Variants in ATP8A2 observed in about 807,000 individuals in gnomAD.
ATP8A2 encodes phospholipid-transporting ATPase IB.
ATP8A2 carries 100 observed loss-of-function variants against 165.6 expected under a neutral mutation model. The observed-to-expected ratio is 0.60, with a 90% CI of 0.51 to 0.71. The LOEUF (loss-of-function observed/expected upper bound fraction) is 0.71, where lower values mean the gene tolerates loss of function less well. Ranked by LOEUF, ATP8A2 falls within the 30% of genes least tolerant of loss-of-function variation. ATP8A2 has a pLI of 0.00. For synonymous variants in ATP8A2, 543 were observed against 548.8 expected (o/e 0.99, Z 0.15); for missense variants, 1,227 against 1,479.5 (o/e 0.83, Z 2.80).
intron 33 of ATP8A2, among the ~76,000 whole-genome samples, chr13:25,958,144 C>CT (rs1230489380): frequency 6.6e-6 from 1 of 151,114 alleles, no homozygotes; most frequent in Non-Finnish European, 1.5e-5. Flanking sequence ...GGGTGGGGGA[C>CT]TAGGGGAAGG....
intron 27 of ATP8A2, among the ~76,000 whole-genome samples, chr13:25,809,867 G>A (rs148705675): frequency 3.0e-4 from 46 of 152,186 alleles, no homozygotes; most frequent in Admixed American, 1.6e-3. Context: ...AAATGATCAA[G>A]CAGGAGTGAG....
At chr13:25,771,946 T>C (rs1049088729) in intron 26 of ATP8A2, among the ~76,000 whole-genome samples, 1 of 152,332 alleles carries the variant, frequency 6.6e-6, no homozygotes, top group South Asian at 2.1e-4. Context: ...GATGCATTTT[T>C]TTTATTACGC....
intron 33 of ATP8A2, among the ~76,000 whole-genome samples, chr13:25,930,241 C>G (rs1954732823): frequency 6.6e-6 from 1 of 152,096 alleles, no homozygotes; most frequent in Non-Finnish European, 1.5e-5. Context: ...AACCATGTTC[C>G]TTCTCTCTTT....
At chr13:25,769,018 G>T in intron 25 of ATP8A2, 28 bp from the exon 26 acceptor site, 2 of 1,606,458 alleles carry the variant, frequency 1.2e-6, no homozygotes, top group South Asian at 2.2e-5. Flanking sequence ...GACATGCATA[G>T]CTCTGATTTC....
At chr13:25,827,003 C>T (rs528960384) in intron 27 of ATP8A2, among the ~76,000 whole-genome samples, 2 of 151,972 alleles carry the variant, frequency 1.3e-5, no homozygotes, top group Non-Finnish European at 2.9e-5. Flanking sequence ...CCCGGTGGCT[C>T]GGCCCTCTTC....
intron 24 of ATP8A2, among the ~76,000 whole-genome samples, chr13:25,600,935 C>T (rs867614805): frequency 1.3e-5 from 2 of 152,292 alleles, no homozygotes; most frequent in South Asian, 2.1e-4. Flanking sequence ...ACTACAAGAT[C>T]GCACGGATGT....
chr13:25,758,436 G>C (rs2044309686), intron 25 of ATP8A2, among the ~76,000 whole-genome samples: 1 of 152,164 alleles, frequency 6.6e-6, no homozygotes, highest in Non-Finnish European at 1.5e-5. Flanking sequence ...GAAGCACATA[G>C]CCAACCACAT....
chr13:25,662,155 G>A (rs1187364064), intron 24 of ATP8A2, among the ~76,000 whole-genome samples: 3 of 152,096 alleles, frequency 2.0e-5, no homozygotes, highest in Non-Finnish European at 4.4e-5. Flanking sequence ...ATTATTGTGA[G>A]GATAAAAGTG....
chr13:25,877,482 T>C (rs575643395), intron 33 of ATP8A2, among the ~76,000 whole-genome samples: 1 of 152,358 alleles, frequency 6.6e-6, no homozygotes, highest in South Asian at 2.1e-4. Flanking sequence ...CTTTGTTTCA[T>C]TGAGTTGTTT....
At chr13:25,819,620 G>GCAATCA (rs1372338770) in intron 27 of ATP8A2, among the ~76,000 whole-genome samples, 1 of 150,474 alleles carries the variant, frequency 6.6e-6, no homozygotes, top group African/African-American at 2.4e-5. Context: ...TAGATTTGCT[G>GCAATCA]CAATCACCCC....
At chr13:25,901,898 C>T (rs921744842) in intron 33 of ATP8A2, among the ~76,000 whole-genome samples, 3 of 152,140 alleles carry the variant, frequency 2.0e-5, no homozygotes, top group Admixed American at 6.5e-5. Context: ...TTTAAACATG[C>T]GTATAAAGAT....
intron 24 of ATP8A2, among the ~76,000 whole-genome samples, chr13:25,636,558 A>C (rs1439626415): frequency 1.3e-5 from 2 of 152,118 alleles, no homozygotes; most frequent in African/African-American, 4.8e-5. Flanking sequence ...TTATTTTCTA[A>C]ATCTAATATC....
At chr13:25,673,695 C>T (rs1001275716) in intron 24 of ATP8A2, among the ~76,000 whole-genome samples, 1 of 152,046 alleles carries the variant, frequency 6.6e-6, no homozygotes, top group Non-Finnish European at 1.5e-5. Flanking sequence ...GCTATTGGTG[C>T]GTAGGAAAAA....
In ATP8A2 at chr13:25,531,299, T is replaced by TATATATGA. The variant is rs1354650486; in HGVS notation, c.420+639_420+640insATATATGA. Among the ~76,000 whole-genome samples the TATATATGA allele has an allele frequency of 8.6e-5, 9 of 104,766 alleles. No homozygotes were observed. In the East Asian group the frequency reaches 2.1e-3, roughly 24 times the overall value. 68.7% of individuals were successfully genotyped at this position (104,766 alleles called of 152,430 possible). A position where few individuals can be genotyped will look rare whatever the true frequency, so the allele number is the denominator to read the frequency against. ...ATATATGTTATATATGATATATATGTTATATATGATATATATGTTATATAT... is the reference window on the plus strand; with the variant it reads ...ATATATGTTATATATGATATATATGTATATATGATATATATGATATATATGTTATATAT... On this transcript the variant is annotated intron_variant, in intron 4 of 36. Transcript: ENST00000381655.
intron 24 of ATP8A2, among the ~76,000 whole-genome samples, chr13:25,690,072 A>G (rs9578904): frequency 0.1 from 15,924 of 152,030 alleles, 950 homozygotes; most frequent in East Asian, 0.26. Flanking sequence ...TAAATTAAGC[A>G]TATTAGGGTT....
chr13:25,425,770 G>T (rs1051671522), intron 1 of ATP8A2, among the ~76,000 whole-genome samples: 1 of 152,050 alleles, frequency 6.6e-6, no homozygotes, highest in Non-Finnish European at 1.5e-5. Context: ...TAGAGACGGG[G>T]TTTCACTGTG....
At chr13:25,852,543 A>G (rs1952034094) in intron 30 of ATP8A2, among the ~76,000 whole-genome samples, 1 of 152,086 alleles carries the variant, frequency 6.6e-6, no homozygotes, top group Non-Finnish European at 1.5e-5. Context: ...TCTCCTGGAT[A>G]TTTCCTTTCC....
intron 33 of ATP8A2, among the ~76,000 whole-genome samples, chr13:25,958,676 A>G (rs1448739893): frequency 6.6e-6 from 1 of 152,212 alleles, no homozygotes; most frequent in South Asian, 2.1e-4. Context: ...GTCTCAGTCC[A>G]TCTGTGAAAA....
chr13:25,633,707 C>A (rs796620872), intron 24 of ATP8A2, among the ~76,000 whole-genome samples: 2 of 152,048 alleles, frequency 1.3e-5, no homozygotes, highest in Non-Finnish European at 2.9e-5. Flanking sequence ...TGGACGTGGT[C>A]GCTCACGCTT....
Sources: allele counts gnomAD v4.1 joint callset (sites outside exome capture counted in the v4.1 genomes callset), GRCh38; gene constraint gnomAD v4.1.1; transcripts MANE v1.5; gene names NCBI Gene and HGNC (gene_info 2026-07-23, HGNC 2026-07-21).